ETV1: variants seen among roughly 807,000 people sequenced by gnomAD.
The protein encoded by ETV1 is ETS translocation variant 1.
Under a neutral mutation model 62.3 loss-of-function variants are expected in ETV1, and 27 were observed. The observed-to-expected ratio is 0.43, with a 90% CI of 0.32 to 0.60. The LOEUF is 0.60. Among genes scored for constraint, ETV1 ranks in the 20% least tolerant of loss-of-function variants. ETV1 has a pLI of 0.06. For synonymous variants in ETV1, 222 were observed against 199.6 expected (o/e 1.11, Z -0.94); for missense variants, 605 against 605.8 (o/e 1.00, Z 0.01).
At position 13,906,437 on chromosome 7, in the gene ETV1, G is replaced by C; in HGVS notation, c.1103C>G (p.Pro368Arg). The change falls in exon 12 of 14, where the codon CCT becomes CGT. Residue 368 changes from proline (P) to arginine (R), a missense_variant. Around this residue, in one of 3 missense-constraint regions of ETV1, gnomAD observed 100 missense variants for 156.4 expected, o/e 0.64. Transcript: ENST00000430479. ...AAAATCTATTAAACTAACCTCTTCA[G>C]GCTCAATCAGTTTAAATTCCATGCC... ...GRGMEFKLIE[P>R]EEVARRWGIQ... The C allele has an allele frequency of 6.3e-7, 1 of 1,596,670 alleles. No homozygotes were observed. The highest frequency in any genetic ancestry group is 1.1e-5 in the South Asian group (1 of 87,664).
At chr7:13,941,780 G>T (rs1787532962) in intron 6 of ETV1, among the ~76,000 whole-genome samples, 3 of 151,872 alleles carry the variant, frequency 2.0e-5, no homozygotes, top group Admixed American at 2.0e-4. Context: ...TGGGGCACGA[G>T]AATCACTTGA....
At chr7:13,931,825 T>C (rs2128451048) in intron 8 of ETV1, 76 bp from the exon 9 acceptor site, 2 of 1,551,020 alleles carry the variant, frequency 1.3e-6, no homozygotes, top group Non-Finnish European at 1.8e-6. Context: ...CGGTTTTCCA[T>C]TTCTTAGTGA....
intron 6 of ETV1, among the ~76,000 whole-genome samples, chr7:13,950,360 G>A (rs1040583780): frequency 2.6e-5 from 4 of 152,156 alleles, no homozygotes; most frequent in African/African-American, 9.7e-5. Context: ...TTGTGAGTGT[G>A]TGTGTGTATG....
chr7:13,944,640 G>C (rs1401824586), intron 6 of ETV1, among the ~76,000 whole-genome samples: 1 of 145,110 alleles, frequency 6.9e-6, no homozygotes, highest in African/African-American at 2.9e-5. Flanking sequence ...GCTGATCCCT[G>C]AACACAGGAG....
chr7:13,906,548 C>G lies in ETV1; in HGVS notation c.992G>C (p.Arg331Pro). The change falls in exon 12 of 14, where the codon CGG (arginine) becomes CCG (proline). Residue 331 changes from arginine to proline, a missense_variant. Around this residue, in one of 3 missense-constraint regions of ETV1, gnomAD observed 100 missense variants for 156.4 expected, o/e 0.64. Transcript: ENST00000430479. Reference protein sequence around the residue: ...GMYREGPTYQRRGSLQLWQFL... With the variant: ...GMYREGPTYQPRGSLQLWQFL... Reference sequence around the variant, plus strand: ...CTGCCAGAGCTGAAGTGATCCTCGCCGTTGGTATGTGGGTCCTTCCCGATA... The same window carrying G: ...CTGCCAGAGCTGAAGTGATCCTCGCGGTTGGTATGTGGGTCCTTCCCGATA... 6.2e-7 allele frequency: 1 copy of G among 1,612,430 alleles called. No homozygotes were observed.
At chr7:13,922,253 G>C (rs140407837) in intron 9 of ETV1, among the ~76,000 whole-genome samples, 12 of 152,246 alleles carry the variant, frequency 7.9e-5, no homozygotes, top group African/African-American at 2.9e-4. Flanking sequence ...GACTGTTGTG[G>C]TTGCTGAGAA....
At chr7:13,950,204 C>A (rs1010318658) in intron 6 of ETV1, among the ~76,000 whole-genome samples, 1 of 152,104 alleles carries the variant, frequency 6.6e-6, no homozygotes, top group Non-Finnish European at 1.5e-5. Context: ...GTGGAGCTAC[C>A]TTTATGGGGG....
chr7:13,906,180 G>T, intron 12 of ETV1: 1 of 326,840 alleles, frequency 3.1e-6, no homozygotes, highest in Non-Finnish European at 5.5e-6. Context: ...TTAAATAAAG[G>T]TGCAAAGCAT....
upstream of ETV1, among the ~76,000 whole-genome samples, chr7:13,990,948 G>A (rs3757487): frequency 5.6e-4 from 85 of 152,220 alleles, 1 homozygote; most frequent in East Asian, 0.013. Flanking sequence ...TGGAGTGTAA[G>A]AGCGCACAGC....
At chr7:13,938,981 C>T (rs1320069514) in intron 7 of ETV1, 136 bp downstream of exon 7, 11 of 798,930 alleles carry the variant, frequency 1.4e-5, no homozygotes, top group Non-Finnish European at 2.0e-5. Flanking sequence ...TAGAGTTCTG[C>T]TAAATGCATT....
At chr7:13,914,544 T>G (rs1254640221) in intron 9 of ETV1, among the ~76,000 whole-genome samples, 1 of 151,282 alleles carries the variant, frequency 6.6e-6, no homozygotes, top group Non-Finnish European at 1.5e-5. Flanking sequence ...CCCCAAACTA[T>G]CTAATTTGAT....
upstream of ETV1, chr7:13,989,726 C>G (rs934139407): frequency 2.5e-6 from 1 of 397,922 alleles, no homozygotes; most frequent in East Asian, 3.6e-5. Flanking sequence ...CCAATCCAAA[C>G]TGATGGATCG....
chr7:13,937,302 T>A (rs2128457528), intron 7 of ETV1, among the ~76,000 whole-genome samples: 1 of 152,330 alleles, frequency 6.6e-6, no homozygotes, highest in African/African-American at 2.4e-5. Context: ...TCTTTACCAG[T>A]ATTTCTGAAG....
intron 11 of ETV1, among the ~76,000 whole-genome samples, chr7:13,908,114 T>C (rs772342236): frequency 1.3e-5 from 2 of 152,142 alleles, no homozygotes; most frequent in African/African-American, 2.4e-5. Context: ...ACACTGACCA[T>C]GTACAGTGAA....
At chr7:13,919,126 G>A (rs1784534292) in intron 9 of ETV1, among the ~76,000 whole-genome samples, 1 of 151,930 alleles carries the variant, frequency 6.6e-6, no homozygotes, top group African/African-American at 2.4e-5. Flanking sequence ...TGCTAGAAAC[G>A]GTATCAGTGA....
chr7:13,938,069 TG>T (rs1787018359), intron 7 of ETV1, among the ~76,000 whole-genome samples: 1 of 152,120 alleles, frequency 6.6e-6, no homozygotes, highest in Non-Finnish European at 1.5e-5. Context: ...CCTCAGCCTC[TG>T]TAGTAGCTGG....
intron 6 of ETV1, among the ~76,000 whole-genome samples, chr7:13,951,373 T>C (rs376306639): frequency 1.3e-5 from 2 of 152,322 alleles, no homozygotes; most frequent in South Asian, 4.1e-4. Flanking sequence ...ACTTATTAAC[T>C]ATAAGACTGG....
intron 6 of ETV1, 41 bp from the exon 7 acceptor site, chr7:13,939,287 G>A (rs765341128): frequency 1.0e-5 from 16 of 1,571,728 alleles, no homozygotes; most frequent in South Asian, 9.3e-5. Context: ...ATTAAATGCT[G>A]TAGGAATTAT....
At chr7:13,958,181 A>C (rs1789713163) in intron 6 of ETV1, among the ~76,000 whole-genome samples, 2 of 152,212 alleles carry the variant, frequency 1.3e-5, no homozygotes, top group Non-Finnish European at 2.9e-5. Flanking sequence ...CTATATACTA[A>C]AATCCATTTA....
Sources: allele counts gnomAD v4.1 joint callset (sites outside exome capture counted in the v4.1 genomes callset), GRCh38; gene constraint gnomAD v4.1.1; regional missense constraint gnomAD v4.1.1; transcripts MANE v1.5; gene names NCBI Gene and HGNC (gene_info 2026-07-23, HGNC 2026-07-21).